Variants in FOXO1 observed in about 807,000 individuals in gnomAD.
FOXO1 encodes forkhead box O1, also known as forkhead box protein O1.
Under a neutral mutation model 44.1 loss-of-function variants are expected in FOXO1, and 6 were observed. The observed-to-expected ratio is 0.14, with a 90% CI of 0.07 to 0.27. FOXO1 has a LOEUF of 0.27. Ranked by LOEUF, FOXO1 falls within the 10% of genes least tolerant of loss-of-function variation. The pLI is 1.00. For missense variants in FOXO1, 737 were observed against 888.8 expected, an observed-to-expected ratio of 0.83 and a Z score of 2.17; for synonymous variants, 380 against 362.7, an observed-to-expected ratio of 1.05 and a Z score of -0.54.
At chr13:40,600,469 C>G (rs1875776383) in intron 1 of FOXO1, among the ~76,000 whole-genome samples, 4 of 152,088 alleles carry the variant, frequency 2.6e-5, no homozygotes, top group Admixed American at 2.6e-4. Context: ...AAATCAAAGA[C>G]TGTAGCATTA....
chr13:40,665,685 C>T lies in FOXO1; in HGVS notation c.528G>A (p.Ser176=), dbSNP rs1489153499. ...ADLITKAIES[S]AEKRLTLSQI... is the part of the protein sequence containing the mutation. ...GCGACAGCGTGAGCCGCTTCTCCGCCGAGCTCTCGATGGCCTTGGTGATGA... is the reference window on the plus strand; with the variant it reads ...GCGACAGCGTGAGCCGCTTCTCCGCTGAGCTCTCGATGGCCTTGGTGATGA... Residue 176 remains serine, a synonymous_variant, in exon 1 of 3, where the codon TCG becomes TCA. Transcript: ENST00000379561. 1 of 1,543,560 alleles carries T rather than the reference C, an allele frequency of 6.5e-7. No individual in the cohort carries two copies. Among genetic ancestry groups the T allele is most frequent in the Admixed American group, 1.9e-5 (1 of 53,960 alleles).
At chr13:40,617,358 T>A (rs546254666) in intron 1 of FOXO1, among the ~76,000 whole-genome samples, 1 of 151,242 alleles carries the variant, frequency 6.6e-6, no homozygotes, top group South Asian at 2.1e-4. Context: ...GGCAGGAGAA[T>A]CACTTGAACC....
In FOXO1 at chr13:40,666,125, G is replaced by C; in HGVS notation, c.88C>G (p.Pro30Ala). 1 of 1,450,332 alleles carries C rather than the reference G, an allele frequency of 6.9e-7. No homozygotes were observed. Among genetic ancestry groups the C allele is most frequent in the Non-Finnish European group, 9.1e-7 (1 of 1,104,582 alleles). The allele number at this position is 1,450,332 out of a possible 1,614,324, so 89.8% of individuals were successfully genotyped here. A position where few individuals can be genotyped will look rare whatever the true frequency, so the allele number is the denominator to read the frequency against. Reference sequence around the variant, plus strand: ...GCCGAGTTGGACTGGCTAAACTCCGGCCTGGGCAGCGGCCAGGTGCACGAG... The same window carrying C: ...GCCGAGTTGGACTGGCTAAACTCCGCCCTGGGCAGCGGCCAGGTGCACGAG... ...PRSCTWPLPR[P>A]EFSQSNSATS... Residue 30 changes from proline (P) to alanine (A), a missense_variant, in exon 1 of 3, where the codon CCG becomes GCG. Physicochemically the swap from Pro to Ala is conservative, Grantham distance 27. This residue lies in a region of FOXO1 where 213 missense variants were observed against 236.4 expected (regional missense o/e 0.90). Coordinates refer to ENST00000379561, the MANE Select transcript of FOXO1 (RefSeq NM_002015.4).
chr13:40,559,239 T>A (rs2137820588), intron 2 of FOXO1, among the ~76,000 whole-genome samples: 1 of 152,328 alleles, frequency 6.6e-6, no homozygotes, highest in African/African-American at 2.4e-5. Flanking sequence ...TTATATCAAA[T>A]GTATTCATTT....
rs1344913277 is a variant in FOXO1 at position 40,560,934 on chromosome 13, A to G, written c.631-74T>C. On this transcript the variant is annotated intron_variant, in intron 1 of 2. Transcript: ENST00000379561. The surrounding 1 kb of genome is among the most constrained non-coding windows in gnomAD (Gnocchi z 5.1). ...AAACTTCCTATTCTACATGTATTAC[A>G]TGGAAAACAAGTAAAAAATCTTAAG... 4.9e-6 allele frequency: 7 copies of G among 1,426,750 alleles called. No individual in the cohort carries two copies. Among genetic ancestry groups the G allele is most frequent in the Non-Finnish European group, 6.6e-6 (7 of 1,061,320 alleles). 88.4% of individuals were successfully genotyped at this position (1,426,750 alleles called of 1,614,324 possible).
At chr13:40,573,156 G>A (rs1220102228) in intron 1 of FOXO1, among the ~76,000 whole-genome samples, 2 of 152,190 alleles carry the variant, frequency 1.3e-5, no homozygotes, top group Non-Finnish European at 2.9e-5. Flanking sequence ...CACCTGTGCT[G>A]AGAGCTGCAT....
At chr13:40,653,699 C>G (rs1160207699) in intron 1 of FOXO1, among the ~76,000 whole-genome samples, 1 of 152,138 alleles carries the variant, frequency 6.6e-6, no homozygotes, top group African/African-American at 2.4e-5. Flanking sequence ...CACAGAGGTT[C>G]CCTCCCTTTC....
At chr13:40,603,041 C>T (rs1875865607) in intron 1 of FOXO1, among the ~76,000 whole-genome samples, 1 of 152,148 alleles carries the variant, frequency 6.6e-6, no homozygotes, top group Admixed American at 6.6e-5. Context: ...AACTAGGCCA[C>T]TAATGCAGAT....
chr13:40,571,611 G>A (rs976199091), intron 1 of FOXO1, among the ~76,000 whole-genome samples: 2 of 152,066 alleles, frequency 1.3e-5, no homozygotes, highest in South Asian at 2.1e-4. Flanking sequence ...CTGAAACTTC[G>A]ACTGAATTAA....
At chr13:40,659,191 T>G (rs1877954200) in intron 1 of FOXO1, among the ~76,000 whole-genome samples, 1 of 151,440 alleles carries the variant, frequency 6.6e-6, no homozygotes, top group Non-Finnish European at 1.5e-5. Context: ...GGCATGTGCC[T>G]GTAATCCCAG....
rs554997638 is a variant in FOXO1, at chr13:40,662,845, A to AT, written c.630+2737dup. On this transcript the variant is annotated intron_variant, in intron 1 of 2. Coordinates refer to ENST00000379561, the MANE Select transcript of FOXO1 (RefSeq NM_002015.4). ...TGGTTGCTTTGCATTTAAAAACTGG[A>AT]TTTAAGTTAAAATTCATAGTAAAAT... is the stretch of plus-strand genomic sequence containing the variant. Among the ~76,000 whole-genome samples the AT allele has an allele frequency of 5.3e-5, 8 of 152,360 alleles. 1 individual carries two copies. In the South Asian group the frequency reaches 1.7e-3, roughly 32 times the overall value.
intron 1 of FOXO1, among the ~76,000 whole-genome samples, chr13:40,635,297 C>T (rs1231548511): frequency 1.3e-5 from 2 of 152,014 alleles, no homozygotes; most frequent in African/African-American, 4.8e-5. Context: ...TTGCTATATG[C>T]TACTAAGTCT....
At chr13:40,645,570 T>C (rs556593307) in intron 1 of FOXO1, among the ~76,000 whole-genome samples, 2 of 152,214 alleles carry the variant, frequency 1.3e-5, no homozygotes, top group African/African-American at 2.4e-5. Flanking sequence ...AGGGTTGTTG[T>C]AGCAAACTTA....
chr13:40,610,061 C>T (rs771711855), intron 1 of FOXO1, among the ~76,000 whole-genome samples: 5 of 152,090 alleles, frequency 3.3e-5, no homozygotes, highest in African/African-American at 4.8e-5. Flanking sequence ...CTGTATTCGA[C>T]GTAACTGCTT....
chr13:40,568,794 A>T (rs1874368970), intron 1 of FOXO1, among the ~76,000 whole-genome samples: 1 of 151,956 alleles, frequency 6.6e-6, no homozygotes, highest in Non-Finnish European at 1.5e-5. Flanking sequence ...ATCTCCACTG[A>T]TCCCAGGGCT....
At chr13:40,619,638 A>G (rs1876543426) in intron 1 of FOXO1, 1 of 1,547,402 alleles carries the variant, frequency 6.5e-7, no homozygotes, top group East Asian at 2.3e-5. Flanking sequence ...GGCGAACAAG[A>G]AGCCAAACCT....
chr13:40,571,554 A>C (rs1874501874), intron 1 of FOXO1, among the ~76,000 whole-genome samples: 1 of 152,122 alleles, frequency 6.6e-6, no homozygotes, highest in African/African-American at 2.4e-5. Flanking sequence ...CACAGCAGAC[A>C]GCCACAACTC....
chr13:40,626,656 C>T (rs1876794595), intron 1 of FOXO1, among the ~76,000 whole-genome samples: 1 of 152,186 alleles, frequency 6.6e-6, no homozygotes, highest in Admixed American at 6.5e-5. Flanking sequence ...CCTTTCAAAA[C>T]CCGTCCTTAA....
intron 1 of FOXO1, among the ~76,000 whole-genome samples, chr13:40,622,157 A>G (rs1250957831): frequency 4.6e-5 from 7 of 152,218 alleles, no homozygotes; most frequent in Non-Finnish European, 2.9e-5. Flanking sequence ...AACTTTTTTG[A>G]AAGTGCAAAC....
Sources: allele counts gnomAD v4.1 joint callset (sites outside exome capture counted in the v4.1 genomes callset), GRCh38; gene constraint gnomAD v4.1.1; regional missense constraint gnomAD v4.1.1; non-coding constraint Gnocchi (gnomAD v3.1); transcripts MANE v1.5; gene names NCBI Gene and HGNC (gene_info 2026-07-23, HGNC 2026-07-21).